SH3RF3: variants seen among roughly 807,000 people sequenced by gnomAD.
SH3RF3 encodes the protein SH3 domain containing ring finger 3, also known as E3 ubiquitin-protein ligase SH3RF3.
SH3RF3 carries 29 observed loss-of-function variants against 66.3 expected under a neutral mutation model. That is an observed-to-expected ratio of 0.44 (90% confidence interval 0.33 to 0.60). The LOEUF is 0.60. SH3RF3 is among the 20% of genes least tolerant of loss of function. SH3RF3 has a pLI of 0.04. For synonymous variants in SH3RF3, 583 were observed against 532.0 expected (o/e 1.10, Z -1.32); for missense variants, 1,194 against 1,190.9 (o/e 1.00, Z -0.04).
At chr2:109,344,722 A>G (rs1156994113) in intron 1 of SH3RF3, among the ~76,000 whole-genome samples, 2 of 152,102 alleles carry the variant, frequency 1.3e-5, no homozygotes, top group Non-Finnish European at 2.9e-5. Context: ...TGGAGTTGGC[A>G]GGAGGAGTGC....
chr2:109,423,652 G>C lies in SH3RF3; in HGVS notation c.1403+4010G>C, dbSNP rs73955587. On this transcript the variant is annotated intron_variant, in intron 5 of 9. Transcript: ENST00000309415. ...GAAGGCCTGGATCAGCGAAATCACCGGGTACTGCCCCCAAGAGGTGTCTCA... is the reference window on the plus strand; with the variant it reads ...GAAGGCCTGGATCAGCGAAATCACCCGGTACTGCCCCCAAGAGGTGTCTCA... 4.0e-3 allele frequency among the ~76,000 whole-genome samples: 612 copies of C among 152,222 alleles called. 2 individuals are homozygous for C. Among genetic ancestry groups the C allele is most frequent in the Non-Finnish European group, 7.1e-3 (481 of 68,020 alleles).
chr2:109,210,170 T>C (rs1164383483), intron 1 of SH3RF3, among the ~76,000 whole-genome samples: 2 of 152,250 alleles, frequency 1.3e-5, no homozygotes, highest in Non-Finnish European at 2.9e-5. Context: ...TATTCCATTG[T>C]ATGGCTAGAC....
At chr2:109,428,257 AAG>A (rs1283740920) in intron 5 of SH3RF3, among the ~76,000 whole-genome samples, 1 of 152,256 alleles carries the variant, frequency 6.6e-6, no homozygotes, top group Admixed American at 6.5e-5. Context: ...CTAGAGGAGA[AAG>A]GGGATGAAAT....
chr2:109,369,391 C>T (rs1683217524), intron 2 of SH3RF3, among the ~76,000 whole-genome samples: 1 of 152,200 alleles, frequency 6.6e-6, no homozygotes, highest in South Asian at 2.1e-4. Context: ...ACACTCAACG[C>T]TGAGCGTTGC....
Position 109,130,057 on chromosome 2 carries a change from A to T in SH3RF3, c.517A>T (p.Ser173Cys). The change falls in exon 1 of 10, where the codon AGC becomes TGC. Residue 173 changes from serine to cysteine, a missense_variant. Physicochemically the swap from Ser to Cys is moderately radical, Grantham distance 112. Transcript: ENST00000309415. ...GGTTTTCCTCTCCGCGGCCGCGGGC[A>T]GCACCGCCGGCAGTCTGCGGGAGCT... The part of the protein sequence containing the change: ...SPVFLSAAAG[S>C]TAGSLRELAT... 1.5e-6 allele frequency: 2 copies of T among 1,367,962 alleles called. No homozygotes were observed. Among genetic ancestry groups the T allele is most frequent in the Non-Finnish European group, 9.4e-7 (1 of 1,062,244 alleles). The allele number at this position is 1,367,962 out of a possible 1,614,324, so 84.7% of individuals were successfully genotyped here. A position where few individuals can be genotyped will look rare whatever the true frequency, so the allele number is the denominator to read the frequency against.
chr2:109,258,339 C>T (rs138046982), intron 1 of SH3RF3, among the ~76,000 whole-genome samples: 12 of 152,266 alleles, frequency 7.9e-5, no homozygotes, highest in Non-Finnish European at 1.0e-4. Flanking sequence ...TTCTAAAGAG[C>T]GAGAAACTGC....
At chr2:109,171,340 A>G (rs1438447640) in intron 1 of SH3RF3, among the ~76,000 whole-genome samples, 3 of 152,150 alleles carry the variant, frequency 2.0e-5, no homozygotes, top group African/African-American at 7.2e-5. Flanking sequence ...AAGAATTCAA[A>G]GTTTTTGTCA....
intron 1 of SH3RF3, among the ~76,000 whole-genome samples, chr2:109,223,283 G>C (rs1250712540): frequency 6.6e-6 from 1 of 152,216 alleles, no homozygotes; most frequent in Non-Finnish European, 1.5e-5. Context: ...CTCAGAGGCT[G>C]CGTGAGCACC....
At chr2:109,133,440 C>T (rs975431927) in intron 1 of SH3RF3, among the ~76,000 whole-genome samples, 1 of 152,154 alleles carries the variant, frequency 6.6e-6, no homozygotes, top group Non-Finnish European at 1.5e-5. Flanking sequence ...TAAGCATACA[C>T]GTGTATGATT....
At chr2:109,264,564 G>A (rs753654984) in intron 1 of SH3RF3, among the ~76,000 whole-genome samples, 1 of 152,258 alleles carries the variant, frequency 6.6e-6, no homozygotes, top group Non-Finnish European at 1.5e-5. Flanking sequence ...CTTTTTGTAA[G>A]ATCTCAAGGC....
At chr2:109,455,213 G>T (rs1249434826) in intron 8 of SH3RF3, among the ~76,000 whole-genome samples, 1 of 152,172 alleles carries the variant, frequency 6.6e-6, no homozygotes, top group Non-Finnish European at 1.5e-5. Context: ...GTCCCACAGT[G>T]AGACATCCAG....
chr2:109,243,310 G>C (rs927750042), intron 1 of SH3RF3, among the ~76,000 whole-genome samples: 4 of 152,236 alleles, frequency 2.6e-5, no homozygotes, highest in African/African-American at 9.6e-5. Flanking sequence ...TGAGACTCCC[G>C]TGTGCTTTTG....
At chr2:109,176,274 A>G (rs1677912030) in intron 1 of SH3RF3, among the ~76,000 whole-genome samples, 1 of 152,240 alleles carries the variant, frequency 6.6e-6, no homozygotes, top group Non-Finnish European at 1.5e-5. Flanking sequence ...AGAAAAGGGT[A>G]CAGAGGAGGA....
chr2:109,229,239 T>C (rs1428074606), intron 1 of SH3RF3, among the ~76,000 whole-genome samples: 1 of 152,218 alleles, frequency 6.6e-6, no homozygotes, highest in Non-Finnish European at 1.5e-5. Context: ...CCCTTTTTAG[T>C]ACACTTCTTA....
At chr2:109,226,848 A>G (rs756981870) in intron 1 of SH3RF3, among the ~76,000 whole-genome samples, 5 of 152,232 alleles carry the variant, frequency 3.3e-5, no homozygotes, top group Non-Finnish European at 7.3e-5. Context: ...CTACAGCTGC[A>G]GGAGAGAAAC....
At chr2:109,400,446 C>T (rs1207318741) in intron 4 of SH3RF3, among the ~76,000 whole-genome samples, 2 of 152,090 alleles carry the variant, frequency 1.3e-5, no homozygotes, top group East Asian at 3.9e-4. Flanking sequence ...ATATGCACCC[C>T]TTCCACATGC....
intron 7 of SH3RF3, among the ~76,000 whole-genome samples, chr2:109,448,405 A>G (rs572098751): frequency 7.7e-4 from 118 of 152,288 alleles, no homozygotes; most frequent in African/African-American, 2.8e-3. Context: ...GCAGGTTGTG[A>G]GTGGTGGGTG....
At chr2:109,440,176 G>A (rs1677521696) in intron 7 of SH3RF3, among the ~76,000 whole-genome samples, 1 of 152,216 alleles carries the variant, frequency 6.6e-6, no homozygotes, top group Admixed American at 6.5e-5. Context: ...AGAAGGAGAA[G>A]TCCAGTGTGT....
intron 1 of SH3RF3, among the ~76,000 whole-genome samples, chr2:109,229,882 T>C (rs1368082050): frequency 6.6e-6 from 1 of 150,442 alleles, no homozygotes; most frequent in African/African-American, 2.4e-5. Context: ...TGGAGTGCAG[T>C]GGCGCAATCT....
Sources: gnomAD v4.1 joint callset for allele counts (sites outside exome capture counted in the v4.1 genomes callset) on GRCh38, gnomAD v4.1.1 for gene constraint, MANE v1.5 for transcripts, NCBI Gene and HGNC (gene_info 2026-07-23, HGNC 2026-07-21) for gene names.